Variants in PDIK1L observed in about 807,000 individuals in gnomAD.
PDIK1L encodes PDLIM1 interacting kinase 1 like, also known as serine/threonine-protein kinase PDIK1L.
PDIK1L carries 9 observed loss-of-function variants against 27.1 expected under a neutral mutation model. That is an observed-to-expected ratio of 0.33 (90% CI 0.20 to 0.58). PDIK1L has a LOEUF of 0.58. Among genes scored for constraint, PDIK1L ranks in the 20% least tolerant of loss-of-function variants. The pLI is 0.86. For missense variants in PDIK1L, 216 were observed against 413.2 expected (o/e 0.52, Z 4.14); for synonymous variants, 130 against 141.7 (o/e 0.92, Z 0.59).
At chr1:26,119,769 G>A (rs960494631) in intron 2 of PDIK1L, among the ~76,000 whole-genome samples, 3 of 152,184 alleles carry the variant, frequency 2.0e-5, no homozygotes, top group African/African-American at 7.2e-5. Flanking sequence ...TGAGGCAGGA[G>A]AGTCTCTTGA....
At chr1:26,118,723 C>T (rs879125710) in intron 2 of PDIK1L, among the ~76,000 whole-genome samples, 5 of 152,148 alleles carry the variant, frequency 3.3e-5, no homozygotes, top group East Asian at 1.9e-4. Context: ...TCTGTGGATT[C>T]GTTTAGTTGT....
At chr1:26,115,988 G>T (rs1037702811) in intron 2 of PDIK1L, among the ~76,000 whole-genome samples, 4 of 152,112 alleles carry the variant, frequency 2.6e-5, no homozygotes, top group African/African-American at 9.7e-5. Flanking sequence ...ATCACCTGAG[G>T]TCAGGAGTTT....
chr1:26,118,421 G>T (rs1018535307), intron 2 of PDIK1L, among the ~76,000 whole-genome samples: 2 of 152,160 alleles, frequency 1.3e-5, no homozygotes, highest in Non-Finnish European at 2.9e-5. Context: ...AAGATGTAAA[G>T]GCCTACCAGA....
rs551155959 is a variant in PDIK1L, at chr1:26,117,572, G to A, written c.285+2979G>A. ...AGTCTGAAACCAGCCTCGGCAACAC[G>A]GTGAAACTAAAATACAAAAAATTAG... On this transcript the variant is annotated intron_variant, in intron 2 of 2. Transcript: ENST00000374269. Among the ~76,000 whole-genome samples the A allele has an allele frequency of 5.9e-5, 9 of 151,958 alleles. No homozygotes were observed. The South Asian group carries it at 1.0e-3, about 18-fold the overall frequency.
intron 2 of PDIK1L, among the ~76,000 whole-genome samples, chr1:26,116,295 A>G (rs1000392627): frequency 7.9e-5 from 12 of 152,062 alleles, no homozygotes; most frequent in African/African-American, 2.9e-4. Flanking sequence ...GGATCACTTC[A>G]ACCCAGGAGT....
At position 26,122,001 on chromosome 1, in the gene PDIK1L, T is replaced by C; in HGVS notation, c.450T>C (p.Ser150=). ...TNTSFMLQLS[S]ALAFLHKNQI... The stretch of plus-strand genomic sequence containing the variant: ...CCAGCTTCATGCTTCAGCTGAGCAG[T>C]GCCCTGGCTTTCTTGCATAAAAACC... Residue 150 remains serine, a synonymous_variant, in exon 3 of 3, where the codon AGT becomes AGC. Coordinates refer to ENST00000374269, the MANE Select transcript of PDIK1L (RefSeq NM_152835.5). The surrounding 1 kb of genome is among the most constrained non-coding windows in gnomAD (Gnocchi z 5.4). The C allele has an allele frequency of 6.2e-7, 1 of 1,614,154 alleles. No individual in the cohort carries two copies. Among genetic ancestry groups the C allele is most frequent in the Non-Finnish European group, 8.5e-7 (1 of 1,180,018 alleles).
intron 2 of PDIK1L, among the ~76,000 whole-genome samples, chr1:26,116,917 T>C (rs1489114490): frequency 1.3e-5 from 2 of 151,998 alleles, no homozygotes; most frequent in African/African-American, 4.8e-5. Context: ...GATTTCACCA[T>C]GTGGACCAGG....
At chr1:26,121,186 A>T (rs576451913) in intron 2 of PDIK1L, among the ~76,000 whole-genome samples, 32 of 152,346 alleles carry the variant, frequency 2.1e-4, no homozygotes, top group African/African-American at 7.2e-4. Context: ...TTAAAAATTT[A>T]AAAAATGCCT....
At position 26,111,884 on chromosome 1, in the gene PDIK1L, T is replaced by A. The variant is rs1411016936; in HGVS notation, c.-49T>A. 1.3e-5 allele frequency: 2 copies of A among 151,750 alleles called. No individual in the cohort carries two copies. Among genetic ancestry groups the A allele is most frequent in the Non-Finnish European group, 1.5e-5 (1 of 67,870 alleles). 9.4% of individuals were successfully genotyped at this position (151,750 alleles called of 1,614,324 possible). A position where few individuals can be genotyped will look rare whatever the true frequency, so the allele number is the denominator to read the frequency against. On this transcript the variant is annotated 5_prime_UTR_variant, in exon 1 of 3. The change abolishes an upstream ATG in the 5' untranslated region. Transcript: ENST00000374269. The surrounding 1 kb of genome is among the most constrained non-coding windows in gnomAD (Gnocchi z 4.0). ...CGATAATGGCGGCCTGCAGAGCCCA[T>A]GAGAGGGAGAAGCGGCAGCGTCTAC...
In PDIK1L at chr1:26,123,927, A is replaced by G. The variant is rs948478996; in HGVS notation, c.*1350A>G. The G allele has an allele frequency of 2.0e-5, 3 of 152,652 alleles. No individual in the cohort carries two copies. The highest frequency in any genetic ancestry group is 7.2e-5 in the African/African-American group (3 of 41,462). The allele number at this position is 152,652 out of a possible 1,614,324, so 9.5% of individuals were successfully genotyped here. A position where few individuals can be genotyped will look rare whatever the true frequency, so the allele number is the denominator to read the frequency against. ...CTACAATTTGTTTTCCTGTAAATGC[A>G]GATAGTTAAAATCTAAAGGATAGAA... is the stretch of plus-strand genomic sequence containing the variant. On this transcript the variant is annotated 3_prime_UTR_variant, in exon 3 of 3. Transcript: ENST00000374269.
Position 26,122,414 on chromosome 1 carries a change from A to C in PDIK1L, c.863A>C (p.Lys288Thr). The C allele has an allele frequency of 6.2e-7, 1 of 1,614,170 alleles. No individual in the cohort carries two copies. The highest frequency in any genetic ancestry group is 8.5e-7 in the Non-Finnish European group (1 of 1,180,016). The part of the protein sequence containing the change: ...PVGEALLENP[K>T]MELLIPVKKK... ...GGGGAGGCACTTCTGGAAAATCCCA[A>C]AATGGAACTTCTCATTCCTGTGAAG... The change falls in exon 3 of 3, where the codon AAA (lysine) becomes ACA (threonine). Residue 288 changes from lysine to threonine, a missense_variant. By Grantham distance (78) the Lys-to-Thr change is moderately conservative. This residue lies in a region of PDIK1L where 169 missense variants were observed against 366.0 expected (regional missense o/e 0.46). Transcript: ENST00000374269. This position sits in a 1 kb window ranked among gnomAD's most constrained non-coding sequence, Gnocchi z 5.4.
At position 26,122,348 on chromosome 1, in the gene PDIK1L, T is replaced by C. The variant is rs1208115018; in HGVS notation, c.797T>C (p.Leu266Ser). 2 of 1,613,954 alleles carry C rather than the reference T, an allele frequency of 1.2e-6. No homozygotes were observed. Among genetic ancestry groups the C allele is most frequent in the Non-Finnish European group, 1.7e-6 (2 of 1,179,992 alleles). Reference sequence around the variant, plus strand: ...GACACAGAGACAAAGAAGGAACTCTTGGGGAGTTATGTAAAACAAGGAACT... The same window carrying C: ...GACACAGAGACAAAGAAGGAACTCTCGGGGAGTTATGTAAAACAAGGAACT... ...FIDTETKKELLGSYVKQGTEI... is the reference protein window; with the variant it reads ...FIDTETKKELSGSYVKQGTEI... The change falls in exon 3 of 3, where the codon TTG becomes TCG. Residue 266 changes from leucine (L) to serine (S), a missense_variant. This residue lies in a region of PDIK1L where 169 missense variants were observed against 366.0 expected (regional missense o/e 0.46). Transcript: ENST00000374269. This position sits in a 1 kb window ranked among gnomAD's most constrained non-coding sequence, Gnocchi z 5.4.
chr1:26,115,745 T>A (rs967639916), intron 2 of PDIK1L, among the ~76,000 whole-genome samples: 1 of 150,642 alleles, frequency 6.6e-6, no homozygotes, highest in African/African-American at 2.5e-5. Context: ...GAGCTTGCCG[T>A]GAGCCGAGAT....
In PDIK1L at chr1:26,124,382, A is replaced by T. The variant is rs928313249; in HGVS notation, c.*1805A>T. On this transcript the variant is annotated 3_prime_UTR_variant, in exon 3 of 3. Coordinates refer to ENST00000374269, the MANE Select transcript of PDIK1L (RefSeq NM_152835.5). ...AGAGGTGGAAACACACTGGAACCTC[A>T]TGATAATTGACCCTCTGGATCACCA... The T allele has an allele frequency of 1.3e-5, 2 of 152,220 alleles. No individual in the cohort carries two copies. The highest frequency in any genetic ancestry group is 4.8e-5 in the African/African-American group (2 of 41,466). 9.4% of individuals were successfully genotyped at this position (152,220 alleles called of 1,614,324 possible).
upstream of PDIK1L, chr1:26,111,744 T>A (rs1483350217): frequency 2.0e-5 from 3 of 150,704 alleles, no homozygotes; most frequent in Non-Finnish European, 3.0e-5. The surrounding 1 kb of genome is among the most constrained non-coding windows in gnomAD (Gnocchi z 4.0). Context: ...CGGCTCGCGC[T>A]ACGGAAAGCC....
rs2088026231 is a variant in PDIK1L at position 26,123,403 on chromosome 1, A to C, written c.*826A>C. 1 of 152,542 alleles carries C rather than the reference A, an allele frequency of 6.6e-6. No individual in the cohort carries two copies. The highest frequency in any genetic ancestry group is 6.6e-5 in the Admixed American group (1 of 15,264). 9.4% of individuals were successfully genotyped at this position (152,542 alleles called of 1,614,324 possible). A position where few individuals can be genotyped will look rare whatever the true frequency, so the allele number is the denominator to read the frequency against. On this transcript the variant is annotated 3_prime_UTR_variant, in exon 3 of 3. Coordinates refer to ENST00000374269, the MANE Select transcript of PDIK1L (RefSeq NM_152835.5). ...TAGGTAACCGAGCATTTATTTAACC[A>C]ACTATACCACTGCATTGGGACGTCT...
rs944878569 is a variant in PDIK1L, at chr1:26,123,440, T to G, written c.*863T>G. 2 of 152,648 alleles carry G rather than the reference T, an allele frequency of 1.3e-5. No individual in the cohort carries two copies. The highest frequency in any genetic ancestry group is 2.4e-5 in the African/African-American group (1 of 41,452). 9.5% of individuals were successfully genotyped at this position (152,648 alleles called of 1,614,324 possible). A position where few individuals can be genotyped will look rare whatever the true frequency, so the allele number is the denominator to read the frequency against. On this transcript the variant is annotated 3_prime_UTR_variant, in exon 3 of 3. Coordinates refer to ENST00000374269, the MANE Select transcript of PDIK1L (RefSeq NM_152835.5). The stretch of plus-strand genomic sequence containing the variant: ...GCATTGGGACGTCTGCACTTGAGCT[T>G]CTACAATCTGATATAAATCTGAATA...
chr1:26,114,251 G>C lies in PDIK1L; in HGVS notation c.-17-41G>C. On this transcript the variant is annotated intron_variant, in intron 1 of 2. Transcript: ENST00000374269. This position sits in a 1 kb window ranked among gnomAD's most constrained non-coding sequence, Gnocchi z 4.8. ...CATAAGAAGAAATACAAGCCAGTAGGTATACATAATTTCAACAGAGCACTT... is the reference window on the plus strand; with the variant it reads ...CATAAGAAGAAATACAAGCCAGTAGCTATACATAATTTCAACAGAGCACTT... 6.5e-7 allele frequency: 1 copy of C among 1,527,616 alleles called. No homozygotes were observed. The highest frequency in any genetic ancestry group is 8.9e-7 in the Non-Finnish European group (1 of 1,125,550). The allele number at this position is 1,527,616 out of a possible 1,614,324, so 94.6% of individuals were successfully genotyped here. A position where few individuals can be genotyped will look rare whatever the true frequency, so the allele number is the denominator to read the frequency against.
intron 2 of PDIK1L, among the ~76,000 whole-genome samples, chr1:26,117,007 C>T (rs536274152): frequency 2.6e-4 from 38 of 145,356 alleles, no homozygotes; most frequent in Non-Finnish European, 3.9e-4. Flanking sequence ...TGAGCCACTG[C>T]GCCCAACCTT....
Sources: allele counts gnomAD v4.1 joint callset (sites outside exome capture counted in the v4.1 genomes callset), GRCh38; gene constraint gnomAD v4.1.1; regional missense constraint gnomAD v4.1.1; non-coding constraint Gnocchi (gnomAD v3.1); transcripts MANE v1.5; gene names NCBI Gene and HGNC (gene_info 2026-07-23, HGNC 2026-07-21).